Variants in COL25A1 observed in about 807,000 individuals in gnomAD.
COL25A1 encodes collagen type XXV alpha 1 chain.
In COL25A1, 103 loss-of-function variants were observed where a neutral mutation model predicts 128.4. The observed-to-expected ratio is 0.80, with a 90% CI of 0.68 to 0.94. The LOEUF (loss-of-function observed/expected upper bound fraction) is 0.94. COL25A1 is among the 40% of genes least tolerant of loss of function. The pLI, the probability that COL25A1 is intolerant of heterozygous loss-of-function variation, is 0.00. For missense variants in COL25A1, 745 were observed against 840.0 expected (o/e 0.89, Z 1.40); for synonymous variants, 279 against 277.2 (o/e 1.01, Z -0.06).
intron 3 of COL25A1, among the ~76,000 whole-genome samples, chr4:109,151,282 T>C (rs1771476744): frequency 6.6e-6 from 1 of 152,086 alleles, no homozygotes; most frequent in Admixed American, 6.5e-5. Flanking sequence ...AATGTTCCAA[T>C]GTATGATGTC....
chr4:108,904,170 C>T (rs1430997318), intron 13 of COL25A1, among the ~76,000 whole-genome samples: 1 of 152,100 alleles, frequency 6.6e-6, no homozygotes, highest in East Asian at 1.9e-4. Context: ...TCTGTAGGTG[C>T]TGATTATTCA....
chr4:109,022,473 A>G (rs558244050), intron 5 of COL25A1, among the ~76,000 whole-genome samples: 2 of 152,370 alleles, frequency 1.3e-5, no homozygotes, highest in African/African-American at 4.8e-5. Context: ...AACCAGATAC[A>G]GAGATGCATA....
chr4:108,896,803 C>G, intron 15 of COL25A1, 92 bp from the exon 16 acceptor site: 2 of 1,133,714 alleles, frequency 1.8e-6, no homozygotes, highest in Non-Finnish European at 2.7e-6. Flanking sequence ...TTCATGAACA[C>G]TACATATTAA....
chr4:109,012,197 T>A (rs1036939079), intron 5 of COL25A1, among the ~76,000 whole-genome samples: 3 of 152,218 alleles, frequency 2.0e-5, no homozygotes, highest in African/African-American at 2.4e-5. Flanking sequence ...AAAAAAATTT[T>A]TTTGAGGTCT....
intron 3 of COL25A1, among the ~76,000 whole-genome samples, chr4:109,121,458 G>A (rs1003190745): frequency 8.6e-5 from 13 of 151,938 alleles, no homozygotes; most frequent in African/African-American, 2.2e-4. Context: ...ATTAAAAAGC[G>A]GACAAAAGAT....
chr4:109,260,537 C>T (rs974201071), intron 3 of COL25A1, among the ~76,000 whole-genome samples: 4 of 152,042 alleles, frequency 2.6e-5, no homozygotes, highest in Non-Finnish European at 5.9e-5. Context: ...TCTGTGTCAC[C>T]CAGGCTGGAG....
At chr4:108,863,647 TG>T (rs2125796166) in intron 20 of COL25A1, among the ~76,000 whole-genome samples, 1 of 152,340 alleles carries the variant, frequency 6.6e-6, no homozygotes, top group South Asian at 2.1e-4. Context: ...CTGGGTTGTC[TG>T]TGAAGGTGTT....
At chr4:109,286,000 G>T (rs1723857485) in intron 3 of COL25A1, among the ~76,000 whole-genome samples, 1 of 152,150 alleles carries the variant, frequency 6.6e-6, no homozygotes, top group Non-Finnish European at 1.5e-5. Context: ...TGGAATAGAA[G>T]TAGGAATCAA....
At chr4:109,249,156 C>A (rs1292344444) in intron 3 of COL25A1, among the ~76,000 whole-genome samples, 1 of 152,194 alleles carries the variant, frequency 6.6e-6, no homozygotes, top group Non-Finnish European at 1.5e-5. Flanking sequence ...GAAGGTTTCT[C>A]TGAGGCTCCA....
At position 108,817,428 on chromosome 4, in the gene COL25A1, T is replaced by C. The variant is rs745628499; in HGVS notation, c.1931A>G (p.Asp644Gly). ...GLDAPCQLGP[D>G]GLPMPGCWQK ...CCAACAGCCAGGCATGGGTAAGCCA[T>C]CTGGCCCCTGTTTTAAAGAGAAGAA... Residue 644 changes from aspartate (D) to glycine (G), a missense_variant, in exon 37 of 38, where the codon GAT becomes GGT. By Grantham distance (94) the Asp-to-Gly change is moderately conservative. Transcript: ENST00000399132. The C allele has an allele frequency of 6.2e-7, 1 of 1,613,262 alleles. No individual in the cohort carries two copies. Among genetic ancestry groups the C allele is most frequent in the Non-Finnish European group, 8.5e-7 (1 of 1,179,382 alleles).
intron 3 of COL25A1, among the ~76,000 whole-genome samples, chr4:109,298,311 C>G (rs1725187946): frequency 6.6e-6 from 1 of 152,122 alleles, no homozygotes; most frequent in Non-Finnish European, 1.5e-5. Context: ...CTGAATAAAC[C>G]TCACTGGGAC....
In COL25A1 at chr4:109,263,262, G is replaced by A. The variant is rs546234400; in HGVS notation, c.367+37321C>T. Among the ~76,000 whole-genome samples, 22 of 152,304 alleles carry A rather than the reference G, an allele frequency of 1.4e-4. No homozygotes were observed. The East Asian group carries it at 3.7e-3, about 25-fold the overall frequency. ...AGATATATTTTAAAAGAACACAATA[G>A]TGAGCCTTTACAGAGCAGTAGTCCT... On this transcript the variant is annotated intron_variant, in intron 3 of 37. Transcript: ENST00000399132.
chr4:109,019,999 AGGTTAT>A (rs1757577974), intron 5 of COL25A1, among the ~76,000 whole-genome samples: 2 of 152,334 alleles, frequency 1.3e-5, no homozygotes, highest in South Asian at 4.1e-4. Flanking sequence ...GGTTTAAAAT[AGGTTAT>A]ATATCTGATT....
Position 108,865,048 on chromosome 4 carries a change from A to T in COL25A1, c.1084-1661T>A, listed in dbSNP as rs529680257. 8.2e-3 allele frequency among the ~76,000 whole-genome samples: 1,247 copies of T among 152,356 alleles called. 21 individuals are homozygous for T. Among genetic ancestry groups the T allele is most frequent in the African/African-American group, 0.028 (1,172 of 41,580 alleles). On this transcript the variant is annotated intron_variant, in intron 20 of 37. Coordinates refer to ENST00000399132, the MANE Select transcript of COL25A1 (RefSeq NM_198721.4). Reference sequence around the variant, plus strand: ...AGTTGGAAAATTGCTAGGTCAAAAAAGTATGAATATTTTTAAAAACTTGCT... The same window carrying T: ...AGTTGGAAAATTGCTAGGTCAAAAATGTATGAATATTTTTAAAAACTTGCT...
intron 3 of COL25A1, among the ~76,000 whole-genome samples, chr4:109,108,084 G>A (rs12644112): frequency 0.11 from 16,712 of 152,094 alleles, 1,167 homozygotes; most frequent in African/African-American, 0.19. Context: ...CAACGTGCAG[G>A]TTTGTTACAT....
chr4:109,048,200 G>C (rs752878622), intron 4 of COL25A1, 25 bp from the exon 5 acceptor site: 46 of 1,607,124 alleles, frequency 2.9e-5, no homozygotes, highest in South Asian at 2.9e-4. Flanking sequence ...GGTGGAGAGA[G>C]AAGAGAGAGA....
In COL25A1 at chr4:109,027,242, T is replaced by C. The variant is rs115503080; in HGVS notation, c.421-16867A>G. On this transcript the variant is annotated intron_variant, in intron 5 of 37. Coordinates refer to ENST00000399132, the MANE Select transcript of COL25A1 (RefSeq NM_198721.4). Reference sequence around the variant, plus strand: ...TGAGGATAAGGAGGCTAGAGAACAATTCAATGGGAGGGCGCTATTTTACAG... The same window carrying C: ...TGAGGATAAGGAGGCTAGAGAACAACTCAATGGGAGGGCGCTATTTTACAG... 4.1e-3 allele frequency among the ~76,000 whole-genome samples: 622 copies of C among 152,134 alleles called. 7 individuals are homozygous for C. Among genetic ancestry groups the C allele is most frequent in the African/African-American group, 0.014 (599 of 41,500 alleles).
intron 37 of COL25A1, among the ~76,000 whole-genome samples, chr4:108,815,229 C>T (rs76424036): frequency 0.069 from 10,560 of 152,132 alleles, 462 homozygotes; most frequent in East Asian, 0.12. Context: ...GTGATTTATA[C>T]GACTGCCACA....
intron 3 of COL25A1, among the ~76,000 whole-genome samples, chr4:109,131,697 G>A (rs17039902): frequency 0.29 from 44,263 of 152,052 alleles, 7,519 homozygotes; most frequent in African/African-American, 0.46. Flanking sequence ...GGAGTGTGAC[G>A]TTCACAAAAA....
Sources: allele counts gnomAD v4.1 joint callset (sites outside exome capture counted in the v4.1 genomes callset), GRCh38; gene constraint gnomAD v4.1.1; transcripts MANE v1.5; gene names NCBI Gene and HGNC (gene_info 2026-07-23, HGNC 2026-07-21).